The following MAF variants were observed in gnomAD, a reference collection of about 807,000 sequenced individuals.
MAF encodes MAF bZIP transcription factor, also known as transcription factor Maf.
In MAF, 10 loss-of-function variants were observed where a neutral mutation model predicts 22.0. That is an observed-to-expected ratio of 0.45 (90% CI 0.28 to 0.77). The LOEUF is 0.77. Ranked by LOEUF, MAF falls within the 30% of genes least tolerant of loss-of-function variation. The pLI is 0.12. For missense variants in MAF, 544 were observed against 548.4 expected (o/e 0.99, Z 0.08); for synonymous variants, 337 against 255.8 (o/e 1.32, Z -3.03).
the MAF span, among the ~76,000 whole-genome samples, chr16:79,360,895 T>A: frequency 6.6e-6 from 1 of 152,094 alleles, no homozygotes; most frequent in Non-Finnish European, 1.5e-5. Context: ...ACTGTGAACA[T>A]CTCTTTCTAA....
chr16:79,277,783 T>C, the MAF span, among the ~76,000 whole-genome samples: 1 of 152,300 alleles, frequency 6.6e-6, no homozygotes, highest in Admixed American at 6.5e-5. Context: ...CCTGTGTGTA[T>C]AAATACGACA....
chr16:79,289,867 T>TTTTTTTTTTTTTTTTTTTTC, the MAF span, among the ~76,000 whole-genome samples: 5 of 118,508 alleles, frequency 4.2e-5, 1 homozygote, highest in Admixed American at 9.6e-5. Context: ...TTTTTTTTTT[T>TTTTTTTTTTTTTTTTTTTTC]TGTGAGACGG....
the MAF span, among the ~76,000 whole-genome samples, chr16:79,528,658 G>GAAA: frequency 2.5e-4 from 35 of 139,582 alleles, no homozygotes; most frequent in African/African-American, 8.9e-4. Flanking sequence ...TTCGAAGGGA[G>GAAA]AAAAAAAAAA....
the MAF span, among the ~76,000 whole-genome samples, chr16:79,549,773 C>T: frequency 6.6e-6 from 1 of 152,136 alleles, no homozygotes; most frequent in South Asian, 2.1e-4. Context: ...TTCTACTAAC[C>T]CAGAGAGTTA....
At chr16:79,548,065 T>C in the MAF span, among the ~76,000 whole-genome samples, 1 of 152,138 alleles carries the variant, frequency 6.6e-6, no homozygotes, top group Non-Finnish European at 1.5e-5. Context: ...CATATCATGG[T>C]TTGATATAGT....
At chr16:79,212,267 C>T in the MAF span, 1 of 1,263,304 alleles carries the variant, frequency 7.9e-7, no homozygotes, top group South Asian at 1.6e-5. Context: ...TTGTTTCATT[C>T]ATCCTGACCA....
At chr16:79,315,200 G>A in the MAF span, among the ~76,000 whole-genome samples, 1 of 152,106 alleles carries the variant, frequency 6.6e-6, no homozygotes, top group South Asian at 2.1e-4. Flanking sequence ...CTGCCCTTGT[G>A]GAGTTTACAT....
chr16:79,494,613 A>AC, the MAF span, among the ~76,000 whole-genome samples: 2 of 152,138 alleles, frequency 1.3e-5, no homozygotes, highest in Admixed American at 1.3e-4. Context: ...GGGGAAAAAA[A>AC]CCCCACTATT....
At chr16:79,287,642 G>C in the MAF span, among the ~76,000 whole-genome samples, 9 of 152,234 alleles carry the variant, frequency 5.9e-5, no homozygotes, top group Admixed American at 5.9e-4. Context: ...ACTGCATGCA[G>C]AAACATCCAC....
the MAF span, among the ~76,000 whole-genome samples, chr16:79,490,549 A>C: frequency 6.6e-6 from 1 of 152,206 alleles, no homozygotes; most frequent in African/African-American, 2.4e-5. Flanking sequence ...ATATGCACTG[A>C]CATAAACAGA....
the MAF span, among the ~76,000 whole-genome samples, chr16:79,555,081 C>G: frequency 2.0e-5 from 3 of 152,156 alleles, no homozygotes; most frequent in Non-Finnish European, 4.4e-5. Context: ...CTGCTCCTCC[C>G]TCTGGCAGGC....
chr16:79,351,378 G>C, the MAF span, among the ~76,000 whole-genome samples: 1 of 152,124 alleles, frequency 6.6e-6, no homozygotes, highest in South Asian at 2.1e-4. Context: ...TCTGAACGTG[G>C]TCCTCCCACC....
At chr16:79,585,402 G>C (rs1048870811), downstream of MAF, among the ~76,000 whole-genome samples, 1 of 151,982 alleles carries the variant, frequency 6.6e-6, no homozygotes, top group Non-Finnish European at 1.5e-5. Flanking sequence ...ATGTAAGCAA[G>C]AACTGAATTA....
the MAF span, among the ~76,000 whole-genome samples, chr16:79,543,468 C>T: frequency 6.6e-6 from 1 of 152,176 alleles, no homozygotes; most frequent in Non-Finnish European, 1.5e-5. Context: ...AGCGGATGTT[C>T]AACAAATGTC....
At chr16:79,287,844 A>G in the MAF span, among the ~76,000 whole-genome samples, 11 of 152,176 alleles carry the variant, frequency 7.2e-5, no homozygotes, top group African/African-American at 2.4e-4. Context: ...AGAACCTCCT[A>G]TGGGTTAGCT....
At chr16:79,568,395 A>G in the MAF span, among the ~76,000 whole-genome samples, 2 of 152,176 alleles carry the variant, frequency 1.3e-5, no homozygotes, top group Non-Finnish European at 2.9e-5. Flanking sequence ...CTATCTGGAA[A>G]ATGGGAAGGC....
At chr16:79,253,027 T>G in the MAF span, among the ~76,000 whole-genome samples, 2 of 152,232 alleles carry the variant, frequency 1.3e-5, no homozygotes, top group Non-Finnish European at 2.9e-5. Flanking sequence ...TTCATGAGTT[T>G]ATTGTGCAGA....
At chr16:79,507,934 A>C in the MAF span, among the ~76,000 whole-genome samples, 1 of 152,296 alleles carries the variant, frequency 6.6e-6, no homozygotes, top group Middle Eastern at 3.4e-3. Context: ...GGGTTTCATG[A>C]AAATCTCATT....
the MAF span, among the ~76,000 whole-genome samples, chr16:79,451,521 C>T: frequency 6.6e-6 from 1 of 152,182 alleles, no homozygotes; most frequent in Non-Finnish European, 1.5e-5. Context: ...TAAGCTCTTT[C>T]AATGTTATTT....
Sources: allele counts gnomAD v4.1 joint callset (sites outside exome capture counted in the v4.1 genomes callset), GRCh38; gene constraint gnomAD v4.1.1; transcripts MANE v1.5; gene names NCBI Gene and HGNC (gene_info 2026-07-23, HGNC 2026-07-21).